Variants in TRIO observed in about 807,000 individuals in gnomAD.
TRIO encodes trio Rho guanine nucleotide exchange factor.
In TRIO, 58 loss-of-function variants were observed where a neutral mutation model predicts 351.9. The ratio of observed to expected loss-of-function variants is 0.16; its 90% CI spans 0.13 to 0.21. The LOEUF is 0.21. Ranked by LOEUF, TRIO falls within the 10% of genes least tolerant of loss-of-function variation. TRIO has a pLI of 1.00. For synonymous variants in TRIO, 1,758 were observed against 1,595.7 expected, an observed-to-expected ratio of 1.10 and a Z score of -2.42; for missense variants, 3,201 against 4,027.8, an observed-to-expected ratio of 0.79 and a Z score of 5.56.
intron 8 of TRIO, among the ~76,000 whole-genome samples, chr5:14,309,715 A>G (rs993527959): frequency 5.3e-5 from 8 of 152,166 alleles, no homozygotes; most frequent in Admixed American, 3.3e-4. Context: ...CATCTCACAG[A>G]TACGGAGCCC....
intron 9 of TRIO, among the ~76,000 whole-genome samples, chr5:14,327,584 T>G (rs368688082): frequency 2.0e-5 from 3 of 152,242 alleles, no homozygotes; most frequent in Admixed American, 6.5e-5. Flanking sequence ...CTATGGACTT[T>G]CCAGTAATCA....
intron 12 of TRIO, 62 bp downstream of exon 12, chr5:14,358,409 C>A: frequency 6.3e-7 from 1 of 1,583,062 alleles, no homozygotes. Context: ...ACTCCCCTTC[C>A]CCTTTTACTC....
intron 34 of TRIO, among the ~76,000 whole-genome samples, chr5:14,424,729 A>T (rs531901451): frequency 6.6e-6 from 1 of 152,236 alleles, no homozygotes; most frequent in East Asian, 1.9e-4. Context: ...GTAGTGATAC[A>T]TGATTGCTAT....
intron 3 of TRIO, among the ~76,000 whole-genome samples, chr5:14,281,429 C>CT (rs1164530511): frequency 3.0e-4 from 36 of 121,310 alleles, no homozygotes; most frequent in African/African-American, 1.1e-3. Context: ...TTAGAACCCC[C>CT]CCCCCCCGCC....
chr5:14,329,656 C>CT (rs1339167202), intron 9 of TRIO, among the ~76,000 whole-genome samples: 1 of 152,174 alleles, frequency 6.6e-6, no homozygotes, highest in Non-Finnish European at 1.5e-5. Context: ...ATGAGTGAAC[C>CT]TTCAATACTA....
chr5:14,330,995 G>A, intron 10 of TRIO, 95 bp downstream of exon 10: 1 of 1,554,816 alleles, frequency 6.4e-7, no homozygotes, highest in South Asian at 1.2e-5. Context: ...GTTAGCATTA[G>A]CTCGATGTGT....
chr5:14,378,034 A>G lies in TRIO; in HGVS notation c.3354A>G (p.Gln1118=), dbSNP rs905701706. 9 of 1,613,140 alleles carry G rather than the reference A, an allele frequency of 5.6e-6. No individual in the cohort carries two copies. The highest frequency in any genetic ancestry group is 1.1e-5 in the South Asian group (1 of 90,602). The change falls in exon 20 of 57, where the codon CAA becomes CAG. Residue 1118 remains glutamine, a synonymous_variant. Transcript: ENST00000344204. ...QVKNILNELF[Q]RENRVLHYWT... is the part of the protein sequence containing the mutation. ...CAGATATCTTGAATGAACTCTTCCAACGGGAGAACAGGGTATTGCATTACT... is the reference window on the plus strand; with the variant it reads ...CAGATATCTTGAATGAACTCTTCCAGCGGGAGAACAGGGTATTGCATTACT...
chr5:14,420,168 T>G (rs1749999120), intron 34 of TRIO, 147 bp downstream of exon 34: 3 of 1,213,970 alleles, frequency 2.5e-6, no homozygotes, highest in Admixed American at 5.4e-5. Context: ...TCCGGGCATT[T>G]CCAGTCCATC....
chr5:14,180,973 AAAGTT>A (rs1325016164), intron 1 of TRIO, among the ~76,000 whole-genome samples: 1 of 152,242 alleles, frequency 6.6e-6, no homozygotes, highest in Non-Finnish European at 1.5e-5. Context: ...CCTTCAGAAA[AAAGTT>A]AAGGTATAAA....
At chr5:14,381,313 T>C (rs555715431) in intron 21 of TRIO, 61 bp downstream of exon 21, 1 of 1,532,510 alleles carries the variant, frequency 6.5e-7, no homozygotes, top group Non-Finnish European at 8.7e-7. Flanking sequence ...TTCAAAAATA[T>C]CATAAAGAAA....
intron 37 of TRIO, among the ~76,000 whole-genome samples, chr5:14,467,292 T>C (rs927515782): frequency 9.2e-5 from 14 of 152,322 alleles, no homozygotes; most frequent in Non-Finnish European, 1.6e-4. Flanking sequence ...GTACCAGATA[T>C]ATCATTCCCA....
intron 1 of TRIO, among the ~76,000 whole-genome samples, chr5:14,160,294 G>A (rs999474426): frequency 1.3e-5 from 2 of 152,150 alleles, no homozygotes; most frequent in South Asian, 2.1e-4. Context: ...GCCTCCCGCC[G>A]GGGGGTGACC....
intron 1 of TRIO, among the ~76,000 whole-genome samples, chr5:14,236,750 T>C (rs753923336): frequency 1.3e-5 from 2 of 152,222 alleles, no homozygotes; most frequent in African/African-American, 2.4e-5. Context: ...ATTTAAGATA[T>C]ACAGTTCTGT....
At chr5:14,387,707 G>T (rs1419533537) in intron 22 of TRIO, 25 bp from the exon 23 acceptor site, 1 of 1,612,518 alleles carries the variant, frequency 6.2e-7, no homozygotes, top group African/African-American at 1.3e-5. Context: ...AATTAACTGA[G>T]TTCATTGGCT....
intron 1 of TRIO, among the ~76,000 whole-genome samples, chr5:14,231,225 T>A (rs1250782043): frequency 6.6e-6 from 1 of 152,244 alleles, no homozygotes; most frequent in Non-Finnish European, 1.5e-5. Context: ...TTTTTCCGTC[T>A]TTAGGCCAGA....
At chr5:14,472,514 A>C (rs894339241) in intron 38 of TRIO, 78 bp from the exon 39 acceptor site, 24 of 1,500,090 alleles carry the variant, frequency 1.6e-5, no homozygotes, top group Non-Finnish European at 2.1e-5. Flanking sequence ...GAAGGAGTCC[A>C]TCTTGACCAG....
intron 34 of TRIO, among the ~76,000 whole-genome samples, chr5:14,442,337 C>G (rs761936951): frequency 6.6e-6 from 1 of 152,008 alleles, no homozygotes; most frequent in Non-Finnish European, 1.5e-5. Context: ...ATTAAGAGCT[C>G]TATGGAGAAG....
chr5:14,353,008 C>A (rs375276709), intron 11 of TRIO, among the ~76,000 whole-genome samples: 2 of 151,960 alleles, frequency 1.3e-5, no homozygotes, highest in African/African-American at 4.8e-5. Context: ...AATTCTAGCA[C>A]GTTTTCCTCA....
In TRIO at chr5:14,330,929, C is replaced by G. The variant is rs1740850502; in HGVS notation, c.1854+29C>G. On this transcript the variant is annotated intron_variant, in intron 10 of 56. Coordinates refer to ENST00000344204, the MANE Select transcript of TRIO (RefSeq NM_007118.4). ...AAACAATGGCTTCTATTATTTTATC[C>G]CATAAATACCCGTGTGGTTGATTTT... is the stretch of plus-strand genomic sequence containing the variant. The G allele has an allele frequency of 2.5e-6, 4 of 1,611,148 alleles. No homozygotes were observed. The East Asian group carries it at 8.9e-5, about 36-fold the overall frequency.
Sources: allele counts gnomAD v4.1 joint callset (sites outside exome capture counted in the v4.1 genomes callset), GRCh38; gene constraint gnomAD v4.1.1; transcripts MANE v1.5; gene names NCBI Gene and HGNC (gene_info 2026-07-23, HGNC 2026-07-21).